The following FAM180B variants were observed in gnomAD, a reference collection of about 807,000 sequenced individuals.
FAM180B encodes protein FAM180B.
FAM180B carries 14 observed loss-of-function variants against 13.6 expected under a neutral mutation model. That is an observed-to-expected ratio of 1.03 (90% CI 0.68 to 1.60). FAM180B has a LOEUF of 1.60. FAM180B is among the 40% of genes most tolerant of loss of function. FAM180B has a pLI of 0.00. For missense variants in FAM180B, 212 were observed against 230.4 expected (o/e 0.92, Z 0.52); for synonymous variants, 109 against 97.0 (o/e 1.12, Z -0.72).
Position 47,588,650 on chromosome 11 carries a change from T to C in FAM180B, c.*216T>C. ...CTTGAGAGGCTAAGAACCCAGGCTC[T>C]GGGTCGCAAGGAGTGCGCAAGGAGT... is the stretch of plus-strand genomic sequence containing the variant. On this transcript the variant is annotated 3_prime_UTR_variant, in exon 3 of 3. Coordinates refer to ENST00000538490, the MANE Select transcript of FAM180B (RefSeq NM_001164379.3). 1.9e-6 allele frequency: 1 copy of C among 536,574 alleles called. No homozygotes were observed. Among genetic ancestry groups the C allele is most frequent in the Non-Finnish European group, 3.3e-6 (1 of 301,706 alleles). 33.2% of individuals were successfully genotyped at this position (536,574 alleles called of 1,614,324 possible).
rs762590161 is a variant in FAM180B, at chr11:47,588,282, G to A, written c.400G>A (p.Ala134Thr). The A allele has an allele frequency of 7.3e-5, 112 of 1,537,028 alleles. No homozygotes were observed. The highest frequency in any genetic ancestry group is 1.2e-4 in the East Asian group (5 of 40,912). The change falls in exon 3 of 3, where the codon GCA becomes ACA. Residue 134 changes from alanine (A) to threonine (T), a missense_variant. Coordinates refer to ENST00000538490, the MANE Select transcript of FAM180B (RefSeq NM_001164379.3). Reference protein sequence around the residue: ...TGLSCVYRLHAASEAEERGRW... With the variant: ...TGLSCVYRLHTASEAEERGRW... ...CCTGTCCTGCGTCTACCGGCTCCAC[G>A]CAGCTAGTGAGGCTGAGGAACGGGG...
rs149775746 is a variant in FAM180B, at chr11:47,588,719, A to AGAGTGTGTGTGTGTGTGTGTGTGTGTGT, written c.*286_*287insAGTGTGTGTGTGTGTGTGTGTGTGTGTG. 2.8e-5 allele frequency: 6 copies of AGAGTGTGTGTGTGTGTGTGTGTGTGTGT among 213,698 alleles called. 1 individual carries two copies. Among genetic ancestry groups the AGAGTGTGTGTGTGTGTGTGTGTGTGTGT allele is most frequent in the Non-Finnish European group, 4.5e-5 (5 of 110,380 alleles). The allele number at this position is 213,698 out of a possible 1,614,324, so 13.2% of individuals were successfully genotyped here. On this transcript the variant is annotated 3_prime_UTR_variant, in exon 3 of 3. Coordinates refer to ENST00000538490, the MANE Select transcript of FAM180B (RefSeq NM_001164379.3). Reference sequence around the variant, plus strand: ...ACGACTTGCAGGCAGTGTGTGTGTGAGTGTGTGTGTGTGTGTGTGTGTGTG... The same window carrying AGAGTGTGTGTGTGTGTGTGTGTGTGTGT: ...ACGACTTGCAGGCAGTGTGTGTGTGAGAGTGTGTGTGTGTGTGTGTGTGTGTGTGTGTGTGTGTGTGTGTGTGTGTGTG...
Position 47,588,463 on chromosome 11 carries a change from T to C in FAM180B, c.*29T>C. 3.0e-6 allele frequency: 4 copies of C among 1,348,356 alleles called. No homozygotes were observed. The highest frequency in any genetic ancestry group is 1.4e-5 in the South Asian group (1 of 69,146). The allele number at this position is 1,348,356 out of a possible 1,614,324, so 83.5% of individuals were successfully genotyped here. On this transcript the variant is annotated 3_prime_UTR_variant, in exon 3 of 3. Coordinates refer to ENST00000538490, the MANE Select transcript of FAM180B (RefSeq NM_001164379.3). ...TCCTCTTTTGTTCTTTCACCTGCCA[T>C]TACCCCCTCCCATCTCCTCCTCAAC...
Position 47,588,733 on chromosome 11 carries a change from T to A in FAM180B, c.*299T>A, listed in dbSNP as rs923645148. The A allele has an allele frequency of 1.8e-4, 48 of 271,516 alleles. 1 individual carries two copies. The highest frequency in any genetic ancestry group is 2.3e-4 in the South Asian group (3 of 12,910). The allele number at this position is 271,516 out of a possible 1,614,324, so 16.8% of individuals were successfully genotyped here. On this transcript the variant is annotated 3_prime_UTR_variant, in exon 3 of 3. Transcript: ENST00000538490. ...GTGTGTGTGTGAGTGTGTGTGTGTGTGTGTGTGTGTGTGTGTGTGTGTGGA... is the reference window on the plus strand; with the variant it reads ...GTGTGTGTGTGAGTGTGTGTGTGTGAGTGTGTGTGTGTGTGTGTGTGTGGA...
At position 47,587,773 on chromosome 11, in the gene FAM180B, C is replaced by T. The variant is rs773929576; in HGVS notation, c.108C>T (p.Ser36=). The T allele has an allele frequency of 2.8e-5, 43 of 1,533,996 alleles. No individual in the cohort carries two copies. Among genetic ancestry groups the T allele is most frequent in the Non-Finnish European group, 3.8e-5 (43 of 1,145,092 alleles). The change falls in exon 2 of 3, where the codon AGC becomes AGT. Residue 36 remains serine, a synonymous_variant. Coordinates refer to ENST00000538490, the MANE Select transcript of FAM180B (RefSeq NM_001164379.3). ...PHAGQPMDST[S]VGGGLQEPEA... is the part of the protein sequence containing the mutation. ...CAGGGCAGCCCATGGACAGCACCAGCGTGGGAGGTGGCCTGCAGGAGCCAG... is the reference window on the plus strand; with the variant it reads ...CAGGGCAGCCCATGGACAGCACCAGTGTGGGAGGTGGCCTGCAGGAGCCAG...
intron 2 of FAM180B, 65 bp downstream of exon 2, chr11:47,587,886 G>C: frequency 6.9e-7 from 1 of 1,447,456 alleles, no homozygotes; most frequent in Non-Finnish European, 9.2e-7. Context: ...TCAGGGTTGG[G>C]AAGGGGGATG....
intron 1 of FAM180B, among the ~76,000 whole-genome samples, chr11:47,587,290 C>T (rs781000073): frequency 6.6e-6 from 1 of 152,182 alleles, no homozygotes; most frequent in African/African-American, 2.4e-5. Context: ...TGTCTTCCTC[C>T]TCCCTCCCTT....
chr11:47,587,276 G>A (rs1244321970), intron 1 of FAM180B, among the ~76,000 whole-genome samples: 1 of 152,084 alleles, frequency 6.6e-6, no homozygotes, highest in Non-Finnish European at 1.5e-5. Context: ...TGTCCTCCCT[G>A]CCCTGTCTTC....
In FAM180B at chr11:47,588,725, T is replaced by A. The variant is rs149663299; in HGVS notation, c.*291T>A. 3,131 of 208,110 alleles carry A rather than the reference T, an allele frequency of 0.015. 227 individuals carry two copies. Among genetic ancestry groups the A allele is most frequent in the East Asian group, 0.026 (264 of 10,170 alleles). 12.9% of individuals were successfully genotyped at this position (208,110 alleles called of 1,614,324 possible). A position where few individuals can be genotyped will look rare whatever the true frequency, so the allele number is the denominator to read the frequency against. On this transcript the variant is annotated 3_prime_UTR_variant, in exon 3 of 3. Transcript: ENST00000538490. ...TGCAGGCAGTGTGTGTGTGAGTGTG[T>A]GTGTGTGTGTGTGTGTGTGTGTGTG... is the stretch of plus-strand genomic sequence containing the variant.
rs1191694309 is a variant in FAM180B, at chr11:47,586,867, G to C, written c.85+14G>C. 1 of 1,526,728 alleles carries C rather than the reference G, an allele frequency of 6.5e-7. No homozygotes were observed. The highest frequency in any genetic ancestry group is 2.0e-5 in the Admixed American group (1 of 50,990). The allele number at this position is 1,526,728 out of a possible 1,614,324, so 94.6% of individuals were successfully genotyped here. A position where few individuals can be genotyped will look rare whatever the true frequency, so the allele number is the denominator to read the frequency against. ...AGCCCCATGCAGGTACCAGGCTTCA[G>C]GGTGGGTGGAGAGGAGCCAAGGCTG... On this transcript the variant is annotated intron_variant, in intron 1 of 2. Transcript: ENST00000538490.
At chr11:47,587,200 GCT>G (rs60054254) in intron 1 of FAM180B, among the ~76,000 whole-genome samples, 2,634 of 152,170 alleles carry the variant, frequency 0.017, 45 homozygotes, top group African/African-American at 0.048. Flanking sequence ...ATCCTCCCCT[GCT>G]CTGTCCTCCC....
In FAM180B at chr11:47,586,726, G is replaced by C. The variant is rs2097271758; in HGVS notation, c.-43G>C. On this transcript the variant is annotated 5_prime_UTR_variant, in exon 1 of 3. Transcript: ENST00000538490. The stretch of plus-strand genomic sequence containing the variant: ...TGTGTGGCAGGCAGATGAGGGAGCA[G>C]AGAACTGCTGAACAGAGTGAGACTC... The C allele has an allele frequency of 6.9e-7, 1 of 1,445,876 alleles. No individual in the cohort carries two copies. Among genetic ancestry groups the C allele is most frequent in the Non-Finnish European group, 9.4e-7 (1 of 1,063,362 alleles). 89.6% of individuals were successfully genotyped at this position (1,445,876 alleles called of 1,614,324 possible).
intron 1 of FAM180B, among the ~76,000 whole-genome samples, chr11:47,587,157 C>A (rs1408946271): frequency 2.0e-5 from 3 of 152,090 alleles, no homozygotes; most frequent in African/African-American, 7.2e-5. Context: ...AGGCAACACC[C>A]CAAGGTGTGG....
In FAM180B at chr11:47,586,758, C is replaced by T. The variant is rs1344686127; in HGVS notation, c.-11C>T. 6 of 1,534,184 alleles carry T rather than the reference C, an allele frequency of 3.9e-6. No homozygotes were observed. The highest frequency in any genetic ancestry group is 1.7e-4 in the Middle Eastern group (1 of 6,004). Reference sequence around the variant, plus strand: ...GCTGAACAGAGTGAGACTCAGAGGACGTGGTTGAGCATGGCTGCGACCCTG... The same window carrying T: ...GCTGAACAGAGTGAGACTCAGAGGATGTGGTTGAGCATGGCTGCGACCCTG... On this transcript the variant is annotated 5_prime_UTR_variant, in exon 1 of 3. In the 5' UTR this introduces an upstream ATG that the reference lacks. Coordinates refer to ENST00000538490, the MANE Select transcript of FAM180B (RefSeq NM_001164379.3).
rs1046789280 is a variant in FAM180B at position 47,588,493 on chromosome 11, C to A, written c.*59C>A. ...CCCTCCCATCTCCTCCTCAACCCCCCAGGCAGACCCATCTTGCGCAGGGGC... is the reference window on the plus strand; with the variant it reads ...CCCTCCCATCTCCTCCTCAACCCCCAAGGCAGACCCATCTTGCGCAGGGGC... On this transcript the variant is annotated 3_prime_UTR_variant, in exon 3 of 3. Coordinates refer to ENST00000538490, the MANE Select transcript of FAM180B (RefSeq NM_001164379.3). 4 of 769,296 alleles carry A rather than the reference C, an allele frequency of 5.2e-6. No individual in the cohort carries two copies. The highest frequency in any genetic ancestry group is 8.2e-6 in the Non-Finnish European group (4 of 487,996). The allele number at this position is 769,296 out of a possible 1,614,324, so 47.7% of individuals were successfully genotyped here.
intron 1 of FAM180B, among the ~76,000 whole-genome samples, 175 bp from the exon 2 acceptor site, chr11:47,587,576 G>A (rs2097272296): frequency 6.6e-6 from 1 of 152,206 alleles, no homozygotes; most frequent in Admixed American, 6.5e-5. Flanking sequence ...GAATGTCAAT[G>A]TGCATGTGTG....
At chr11:47,586,920 CTATT>C in intron 1 of FAM180B, 67 bp downstream of exon 1, 4 of 1,076,700 alleles carry the variant, frequency 3.7e-6, no homozygotes, top group Non-Finnish European at 5.5e-6. Context: ...ACAGTTGGCT[CTATT>C]TGAGGCTAGT....
chr11:47,586,652 C>T (rs771833720), upstream of FAM180B: 50 of 763,870 alleles, frequency 6.5e-5, no homozygotes, highest in African/African-American at 3.4e-4. Context: ...AAGAATGACA[C>T]GCATTACAGA....
Position 47,588,202 on chromosome 11 carries a change from T to C in FAM180B, c.320T>C (p.Leu107Pro), listed in dbSNP as rs544802542. 6.5e-6 allele frequency: 10 copies of C among 1,537,124 alleles called. No individual in the cohort carries two copies. The East Asian group carries it at 1.7e-4, about 26-fold the overall frequency. ...CAGTGGCTGCAGCAGCTCCAGGACC[T>C]GCGGAAGGGGCCTCCTCTTAGCACT... ...TEQWLQQLQD[L>P]RKGPPLSTWD... is the part of the protein sequence containing the mutation. The change falls in exon 3 of 3, where the codon CTG (leucine) becomes CCG (proline). Residue 107 changes from leucine (L) to proline (P), a missense_variant. Coordinates refer to ENST00000538490, the MANE Select transcript of FAM180B (RefSeq NM_001164379.3).
Sources: gnomAD v4.1 joint callset for allele counts (sites outside exome capture counted in the v4.1 genomes callset) on GRCh38, gnomAD v4.1.1 for gene constraint, MANE v1.5 for transcripts, NCBI Gene and HGNC (gene_info 2026-07-23, HGNC 2026-07-21) for gene names.